Variants in BUB3 observed in about 807,000 individuals in gnomAD.
BUB3 encodes the protein mitotic checkpoint protein BUB3.
A neutral mutation model predicts 39.9 loss-of-function variants in BUB3; 22 were observed. The ratio of observed to expected loss-of-function variants is 0.55; its 90% CI spans 0.39 to 0.79. The LOEUF (loss-of-function observed/expected upper bound fraction) is 0.79. BUB3 is among the 30% of genes least tolerant of loss of function. The pLI is 0.00. For synonymous variants in BUB3, 168 were observed against 155.1 expected (o/e 1.08, Z -0.62); for missense variants, 303 against 415.4 (o/e 0.73, Z 2.35).
At chr10:123,161,493 A>G (rs1489738723) in intron 5 of BUB3, among the ~76,000 whole-genome samples, 1 of 152,212 alleles carries the variant, frequency 6.6e-6, no homozygotes, top group Non-Finnish European at 1.5e-5. Flanking sequence ...TAATGCCATT[A>G]TATCTAATAT....
chr10:123,160,395 C>CT lies in BUB3; in HGVS notation c.418-6dup. 2.0e-6 allele frequency: 3 copies of CT among 1,500,686 alleles called. No individual in the cohort carries two copies. Among genetic ancestry groups the CT allele is most frequent in the Non-Finnish European group, 2.7e-6 (3 of 1,124,086 alleles). The allele number at this position is 1,500,686 out of a possible 1,614,324, so 93.0% of individuals were successfully genotyped here. On this transcript the variant is annotated splice_polypyrimidine_tract_variant and intron_variant, in intron 4 of 7. Transcript: ENST00000368865. ...AAGGTGATTTTTAGCAAGTTTTGAT[C>CT]TTTTTTAAAAGGTATATACCCTCTC...
chr10:123,154,402 G>A lies in BUB3; in HGVS notation c.-84G>A, dbSNP rs1335879327. On this transcript the variant is annotated 5_prime_UTR_variant, in exon 1 of 8. Transcript: ENST00000368865. ...TCTCCGCCTCCTTCGCCTAGCCTGC[G>A]AGTGTTCTGAGGGAAGCAAGGAGGC... 6.5e-6 allele frequency: 1 copy of A among 153,686 alleles called. No individual in the cohort carries two copies. The highest frequency in any genetic ancestry group is 6.5e-5 in the Admixed American group (1 of 15,314). 9.5% of individuals were successfully genotyped at this position (153,686 alleles called of 1,614,324 possible). A position where few individuals can be genotyped will look rare whatever the true frequency, so the allele number is the denominator to read the frequency against.
Position 123,162,841 on chromosome 10 carries a change from C to T in BUB3, c.971+13C>T. The T allele has an allele frequency of 6.2e-7, 1 of 1,604,766 alleles. No individual in the cohort carries two copies. The highest frequency in any genetic ancestry group is 8.5e-7 in the Non-Finnish European group (1 of 1,173,572). ...AAACAAAACCCAAGTGAGTATGCTT[C>T]ACCTGTATTTGAGCCTTTTCTTGCA... On this transcript the variant is annotated intron_variant, in intron 7 of 7. Coordinates refer to ENST00000368865, the MANE Select transcript of BUB3 (RefSeq NM_004725.4).
chr10:123,155,962 T>A (rs1163040611), intron 3 of BUB3, among the ~76,000 whole-genome samples: 1 of 152,260 alleles, frequency 6.6e-6, no homozygotes, highest in Non-Finnish European at 1.5e-5. Flanking sequence ...AGTGTTTACA[T>A]AAATTGACAC....
intron 5 of BUB3, 90 bp downstream of exon 5, chr10:123,160,655 C>CTTTT: frequency 1.0e-6 from 1 of 961,388 alleles, no homozygotes; most frequent in South Asian, 3.1e-5. Flanking sequence ...CTAAAGCCTT[C>CTTTT]TTTTTTTTTT....
intron 2 of BUB3, among the ~76,000 whole-genome samples, chr10:123,155,441 T>C (rs1446963176): frequency 6.6e-6 from 1 of 152,228 alleles, no homozygotes; most frequent in African/African-American, 2.4e-5. Flanking sequence ...TACCCTCAGC[T>C]AGCGTGTTGG....
rs1390690965 is a variant in BUB3, at chr10:123,154,974, C to G, written c.57C>G (p.Ser19=). The change falls in exon 2 of 8, where the codon TCC becomes TCG. Residue 19 remains serine (S), a synonymous_variant. Transcript: ENST00000368865. ...AGCCACCCGAGGATGGCATCTCCTC[C>G]GTGAAGTTCAGCCCCAACACCTCCC... ...LNQPPEDGIS[S]VKFSPNTSQF... 9 of 1,614,166 alleles carry G rather than the reference C, an allele frequency of 5.6e-6. No homozygotes were observed. The highest frequency in any genetic ancestry group is 6.8e-6 in the Non-Finnish European group (8 of 1,180,020).
rs570443955 is a variant in BUB3, at chr10:123,170,418, A to G, written c.*6583A>G. 7 of 152,292 alleles carry G rather than the reference A, an allele frequency of 4.6e-5. No individual in the cohort carries two copies. Among genetic ancestry groups the G allele is most frequent in the East Asian group, 1.9e-4 (1 of 5,188 alleles). 9.4% of individuals were successfully genotyped at this position (152,292 alleles called of 1,614,324 possible). On this transcript the variant is annotated 3_prime_UTR_variant, in exon 8 of 8. Coordinates refer to ENST00000368865, the MANE Select transcript of BUB3 (RefSeq NM_004725.4). ...CACTGTTTAGATTTTAAAAAGTTCA[A>G]TGTTTTTCTGTATTTTATCTCTTCA... is the stretch of plus-strand genomic sequence containing the variant.
Position 123,164,456 on chromosome 10 carries a change from A to C in BUB3, c.*621A>C, listed in dbSNP as rs1181468309. The C allele has an allele frequency of 4.1e-6, 4 of 985,548 alleles. No homozygotes were observed. The highest frequency in any genetic ancestry group is 3.6e-6 in the Non-Finnish European group (3 of 830,136). The allele number at this position is 985,548 out of a possible 1,614,324, so 61.1% of individuals were successfully genotyped here. A position where few individuals can be genotyped will look rare whatever the true frequency, so the allele number is the denominator to read the frequency against. Reference sequence around the variant, plus strand: ...AGGAAAACTAATAAGAAAACCTCCTAATATCATTTTGTGACTGTAAACAAT... The same window carrying C: ...AGGAAAACTAATAAGAAAACCTCCTCATATCATTTTGTGACTGTAAACAAT... On this transcript the variant is annotated 3_prime_UTR_variant, in exon 8 of 8. Coordinates refer to ENST00000368865, the MANE Select transcript of BUB3 (RefSeq NM_004725.4).
At position 123,162,790 on chromosome 10, in the gene BUB3, C is replaced by T. The variant is rs1160864901; in HGVS notation, c.933C>T (p.Ile311=). ...MDDTEHPEDG[I]FIRQVTDAET... is the part of the protein sequence containing the mutation. Reference sequence around the variant, plus strand: ...ACACAGAACATCCTGAAGATGGTATCTTCATTCGCCAAGTGACAGATGCAG... The same window carrying T: ...ACACAGAACATCCTGAAGATGGTATTTTCATTCGCCAAGTGACAGATGCAG... Residue 311 remains isoleucine, a synonymous_variant, in exon 7 of 8, where the codon ATC becomes ATT. Transcript: ENST00000368865. 3 of 1,613,492 alleles carry T rather than the reference C, an allele frequency of 1.9e-6. No homozygotes were observed. The highest frequency in any genetic ancestry group is 2.2e-5 in the East Asian group (1 of 44,882).
Position 123,166,327 on chromosome 10 carries a change from T to C in BUB3, c.*2492T>C, listed in dbSNP as rs772096724. The C allele has an allele frequency of 6.6e-6, 1 of 152,242 alleles. No homozygotes were observed. Among genetic ancestry groups the C allele is most frequent in the African/African-American group, 2.4e-5 (1 of 41,460 alleles). 9.4% of individuals were successfully genotyped at this position (152,242 alleles called of 1,614,324 possible). A position where few individuals can be genotyped will look rare whatever the true frequency, so the allele number is the denominator to read the frequency against. ...ATAGAGTAGTGACTTTTGAACCTTG[T>C]AGTTGTGACCCAAGTAAGAAATACA... On this transcript the variant is annotated 3_prime_UTR_variant, in exon 8 of 8. Coordinates refer to ENST00000368865, the MANE Select transcript of BUB3 (RefSeq NM_004725.4).
At chr10:123,159,469 T>C (rs1218146525) in intron 4 of BUB3, among the ~76,000 whole-genome samples, 1 of 152,244 alleles carries the variant, frequency 6.6e-6, no homozygotes, top group Non-Finnish European at 1.5e-5. Flanking sequence ...CAGTTGTGAA[T>C]CGCAAGTCTA....
chr10:123,162,097 C>G, intron 5 of BUB3, 139 bp from the exon 6 acceptor site: 1 of 768,768 alleles, frequency 1.3e-6, no homozygotes, highest in Non-Finnish European at 2.2e-6. Context: ...GTTAGTACAG[C>G]CTAAACACTT....
In BUB3 at chr10:123,164,988, C is replaced by A; in HGVS notation, c.*1153C>A. On this transcript the variant is annotated 3_prime_UTR_variant, in exon 8 of 8. Transcript: ENST00000368865. ...AGGGTCTTTTTTTTTTTAAGTATTT[C>A]AGTGAAAACTTGGTGTAAGTCTGAA... is the stretch of plus-strand genomic sequence containing the variant. The A allele has an allele frequency of 1.3e-6, 2 of 1,550,678 alleles. No individual in the cohort carries two copies. The highest frequency in any genetic ancestry group is 1.7e-6 in the Non-Finnish European group (2 of 1,151,468).
intron 3 of BUB3, among the ~76,000 whole-genome samples, chr10:123,156,933 C>T (rs1369792658): frequency 6.6e-6 from 1 of 151,840 alleles, no homozygotes; most frequent in East Asian, 1.9e-4. Context: ...TTAGTAGAGG[C>T]GGGGTTTCAC....
chr10:123,155,574 A>C, intron 2 of BUB3, 84 bp from the exon 3 acceptor site: 1 of 1,331,000 alleles, frequency 7.5e-7, no homozygotes, highest in Admixed American at 1.7e-5. Context: ...CCCGAGCATA[A>C]ACTGAACACT....
intron 3 of BUB3, among the ~76,000 whole-genome samples, chr10:123,156,300 T>C (rs564787353): frequency 2.6e-4 from 39 of 152,368 alleles, no homozygotes; most frequent in Non-Finnish European, 5.0e-4. Context: ...TTTGGTGACA[T>C]TGGCACAGTG....
At chr10:123,160,655 C>CTTT in intron 5 of BUB3, 90 bp downstream of exon 5, 4 of 961,310 alleles carry the variant, frequency 4.2e-6, no homozygotes, top group East Asian at 3.7e-5. Flanking sequence ...CTAAAGCCTT[C>CTTT]TTTTTTTTTT....
At position 123,170,464 on chromosome 10, in the gene BUB3, CAT is replaced by C. The variant is rs1455876036; in HGVS notation, c.*6630_*6631del. On this transcript the variant is annotated 3_prime_UTR_variant, in exon 8 of 8. Coordinates refer to ENST00000368865, the MANE Select transcript of BUB3 (RefSeq NM_004725.4). Reference sequence around the variant, plus strand: ...CTTCATTTTAAAATAAAGTTTTGCACATGTTTGAAGCCTCATTTGTACCCCTC... The same window carrying C: ...CTTCATTTTAAAATAAAGTTTTGCACGTTTGAAGCCTCATTTGTACCCCTC... 9.9e-5 allele frequency: 15 copies of C among 152,160 alleles called. No individual in the cohort carries two copies. The highest frequency in any genetic ancestry group is 3.8e-4 in the East Asian group (2 of 5,198). 9.4% of individuals were successfully genotyped at this position (152,160 alleles called of 1,614,324 possible).
Sources: gnomAD v4.1 joint callset for allele counts (sites outside exome capture counted in the v4.1 genomes callset) on GRCh38, gnomAD v4.1.1 for gene constraint, MANE v1.5 for transcripts, NCBI Gene and HGNC (gene_info 2026-07-23, HGNC 2026-07-21) for gene names.